Variants in COL18A1 observed in about 807,000 individuals in gnomAD.
COL18A1 encodes collagen type XVIII alpha 1 chain, also known as collagen alpha-1(XVIII) chain.
Under a neutral mutation model 168.0 loss-of-function variants are expected in COL18A1, and 133 were observed. That is an observed-to-expected ratio of 0.79 (90% confidence interval 0.69 to 0.91). COL18A1 has a LOEUF of 0.91. Ranked by LOEUF, COL18A1 falls within the 40% of genes least tolerant of loss-of-function variation. COL18A1 has a pLI of 0.00. For synonymous variants in COL18A1, 949 were observed against 809.0 expected, an observed-to-expected ratio of 1.17 and a Z score of -2.94; for missense variants, 2,126 against 1,925.4, an observed-to-expected ratio of 1.10 and a Z score of -1.95.
rs906832289 is a variant in COL18A1, at chr21:45,480,608, TG to T, written c.1453-86del. On this transcript the variant is annotated intron_variant, in intron 12 of 41. Transcript: ENST00000651438. ...CCCCCAAGATTCAGCTGGGGTCCTG[TG>T]GGGGGTGGGGATGAGGCCCGTTCTG... 15 of 1,612,776 alleles carry T rather than the reference TG, an allele frequency of 9.3e-6. No individual in the cohort carries two copies. The Middle Eastern group carries it at 5.0e-4, about 53-fold the overall frequency.
intron 5 of COL18A1, 151 bp from the exon 6 acceptor site, chr21:45,476,200 C>A: frequency 8.5e-7 from 1 of 1,174,178 alleles, no homozygotes; most frequent in Admixed American, 2.2e-5. Context: ...GGAAGGAAGC[C>A]CCTCGCGCAC....
At position 45,443,415 on chromosome 21, in the gene COL18A1, C is replaced by CCCGT. The variant is rs1405478682; in HGVS notation, c.107-24826_107-24823dup. Among the ~76,000 whole-genome samples, 2 of 152,148 alleles carry CCCGT rather than the reference C, an allele frequency of 1.3e-5. No individual in the cohort carries two copies. Among genetic ancestry groups the CCCGT allele is most frequent in the African/African-American group, 4.8e-5 (2 of 41,420 alleles). ...GGGCCTTCACCAGCTTGAAAGGCCG[C>CCCGT]CCGTGCCTTTCCTCCTTGGCCCTCA... On this transcript the variant is annotated intron_variant, in intron 2 of 41. Transcript: ENST00000651438. The surrounding 1 kb of genome is among the most constrained non-coding windows in gnomAD (Gnocchi z 5.2).
chr21:45,431,349 C>T lies in COL18A1; in HGVS notation c.106+25876C>T, dbSNP rs577350928. Among the ~76,000 whole-genome samples, 25 of 151,076 alleles carry T rather than the reference C, an allele frequency of 1.7e-4. No homozygotes were observed. The East Asian group carries it at 4.1e-3, about 25-fold the overall frequency. ...GACAGCGGAGCGTGTGTGGACCCGG[C>T]GGCCCAGGGGAGGGGGGCAGGCAGG... On this transcript the variant is annotated intron_variant, in intron 2 of 41. Transcript: ENST00000651438.
At chr21:45,456,678 C>G (rs1178361320) in intron 2 of COL18A1, 1 of 1,532,032 alleles carries the variant, frequency 6.5e-7, no homozygotes, top group East Asian at 2.5e-5. Context: ...CACTGCCACC[C>G]CTTCCTCGCC....
In COL18A1 at chr21:45,478,475, A is replaced by G. The variant is rs577235487; in HGVS notation, c.1248+122A>G. ...AGTGAGGAGACTGTACAGCAAAACC[A>G]TTTTGAAAGTGGAATTTTGTAAAGA... On this transcript the variant is annotated intron_variant, in intron 9 of 41. Coordinates refer to ENST00000651438, the MANE Select transcript of COL18A1 (RefSeq NM_001379500.1). The G allele has an allele frequency of 6.1e-6, 8 of 1,307,340 alleles. No homozygotes were observed. In the African/African-American group the frequency reaches 1.2e-4, roughly 19 times the overall value. 81.0% of individuals were successfully genotyped at this position (1,307,340 alleles called of 1,614,324 possible).
chr21:45,479,659 G>T (rs2035823639), intron 9 of COL18A1, among the ~76,000 whole-genome samples: 1 of 152,054 alleles, frequency 6.6e-6, no homozygotes, highest in Admixed American at 6.5e-5. Flanking sequence ...GAGGCCTTCG[G>T]GGAACCTGCT....
intron 17 of COL18A1, among the ~76,000 whole-genome samples, chr21:45,488,110 C>T (rs1256916951): frequency 6.6e-6 from 1 of 152,226 alleles, no homozygotes; most frequent in Non-Finnish European, 1.5e-5. Flanking sequence ...ACAGCCCTGC[C>T]CAAGAGACAC....
chr21:45,477,711 C>T, intron 7 of COL18A1, 39 bp from the exon 8 acceptor site: 1 of 1,501,548 alleles, frequency 6.7e-7, no homozygotes, highest in African/African-American at 1.4e-5. Flanking sequence ...TGTGTGGGGC[C>T]CCACCCCAGC....
At position 45,493,242 on chromosome 21, in the gene COL18A1, C is replaced by G. The variant is rs765191066; in HGVS notation, c.2277+17C>G. On this transcript the variant is annotated intron_variant, in intron 25 of 41. Transcript: ENST00000651438. ...GGACCCAAGGTAAGGGGCTCAGGTG[C>G]TGTCCCTCAACCCCCTTTGTGACCC... 91 of 1,552,648 alleles carry G rather than the reference C, an allele frequency of 5.9e-5. No homozygotes were observed. Among genetic ancestry groups the G allele is most frequent in the Non-Finnish European group, 7.1e-5 (82 of 1,148,056 alleles).
rs1350209683 is a variant in COL18A1 at position 45,437,166 on chromosome 21, ACT to A, written c.107-31072_107-31071del. Among the ~76,000 whole-genome samples the A allele has an allele frequency of 1.7e-4, 17 of 102,956 alleles. 4 individuals carry two copies. Among genetic ancestry groups the A allele is most frequent in the Non-Finnish European group, 3.1e-4 (17 of 55,052 alleles). The allele number at this position is 102,956 out of a possible 152,430, so 67.5% of individuals were successfully genotyped here. On this transcript the variant is annotated intron_variant, in intron 2 of 41. Transcript: ENST00000651438. Reference sequence around the variant, plus strand: ...CACACACTCACACTCAGACACAGGCACTCTCCTGCACACACACTCACACAGAC... The same window carrying A: ...CACACACTCACACTCAGACACAGGCACTCCTGCACACACACTCACACAGAC...
chr21:45,497,272 G>A lies in COL18A1; in HGVS notation c.2620+180G>A, dbSNP rs142743511. On this transcript the variant is annotated intron_variant, in intron 31 of 41. Transcript: ENST00000651438. ...CCTTCCTGCGGGCCCTCCCAGCACA[G>A]CCGTCCAGGACCTGACCTTGGGGTG... 2.0e-4 allele frequency among the ~76,000 whole-genome samples: 30 copies of A among 152,346 alleles called. 1 individual carries two copies. The highest frequency in any genetic ancestry group is 7.2e-4 in the African/African-American group (30 of 41,584).
intron 2 of COL18A1, among the ~76,000 whole-genome samples, chr21:45,414,285 T>C (rs1294884615): frequency 6.6e-6 from 1 of 152,186 alleles, no homozygotes; most frequent in Non-Finnish European, 1.5e-5. Flanking sequence ...CAGCCCTGTC[T>C]CCCTTTCGGG....
At chr21:45,496,383 G>T (rs746252558) in intron 29 of COL18A1, 117 bp from the exon 30 acceptor site, 2 of 771,686 alleles carry the variant, frequency 2.6e-6, no homozygotes, top group Non-Finnish European at 4.8e-6. Context: ...GTTTTGCCTG[G>T]TCAGAGGTCT....
rs549945143 is a variant in COL18A1 at position 45,443,154 on chromosome 21, G to A, written c.107-25088G>A. Among the ~76,000 whole-genome samples the A allele has an allele frequency of 1.0e-3, 131 of 128,876 alleles. 1 individual carries two copies. Among genetic ancestry groups the A allele is most frequent in the Non-Finnish European group, 1.7e-3 (99 of 58,720 alleles). 84.5% of individuals were successfully genotyped at this position (128,876 alleles called of 152,430 possible). A position where few individuals can be genotyped will look rare whatever the true frequency, so the allele number is the denominator to read the frequency against. On this transcript the variant is annotated intron_variant, in intron 2 of 41. Coordinates refer to ENST00000651438, the MANE Select transcript of COL18A1 (RefSeq NM_001379500.1). This position sits in a 1 kb window ranked among gnomAD's most constrained non-coding sequence, Gnocchi z 5.2. ...TGTGGGCGGCGGTGCTGGTGTGGGC[G>A]GCGGTGCTGGTGTGGGTGGATTCCT...
chr21:45,479,849 T>G, intron 9 of COL18A1, 53 bp from the exon 10 acceptor site: 1 of 1,610,422 alleles, frequency 6.2e-7, no homozygotes. Context: ...GAGTGCTGGG[T>G]GCGGCCCATG....
rs1050919039 is a variant in COL18A1 at position 45,480,218 on chromosome 21, C to T, written c.1398+62C>T. 6.0e-6 allele frequency: 7 copies of T among 1,166,760 alleles called. No individual in the cohort carries two copies. The African/African-American group carries it at 1.1e-4, about 18-fold the overall frequency. The allele number at this position is 1,166,760 out of a possible 1,614,324, so 72.3% of individuals were successfully genotyped here. On this transcript the variant is annotated intron_variant, in intron 11 of 41. Coordinates refer to ENST00000651438, the MANE Select transcript of COL18A1 (RefSeq NM_001379500.1). ...TGCCCTCCTCAAAAGCAGGCACTGCCTCTGGCCCAGAAGTATCAGCTCCAC... is the reference window on the plus strand; with the variant it reads ...TGCCCTCCTCAAAAGCAGGCACTGCTTCTGGCCCAGAAGTATCAGCTCCAC...
At chr21:45,475,639 C>A in intron 5 of COL18A1, 104 bp downstream of exon 5, 1 of 979,026 alleles carries the variant, frequency 1.0e-6, no homozygotes. Context: ...TCCAAGAGCT[C>A]CCTCTATGCC....
In COL18A1 at chr21:45,455,752, G is replaced by A. The variant is rs768003538; in HGVS notation, c.107-12490G>A. On this transcript the variant is annotated intron_variant, in intron 2 of 41. Coordinates refer to ENST00000651438, the MANE Select transcript of COL18A1 (RefSeq NM_001379500.1). ...CCCGGAATGGTTCCACAGAGCCAGC[G>A]ACAGCCCCTGGCAGCCCTGAGCCAC... 7.8e-5 allele frequency: 126 copies of A among 1,613,744 alleles called. No homozygotes were observed. Among genetic ancestry groups the A allele is most frequent in the Middle Eastern group, 1.6e-4 (1 of 6,062 alleles).
Position 45,497,627 on chromosome 21 carries a change from C to T in COL18A1, c.2649C>T (p.Gly883=), listed in dbSNP as rs369139821. The change falls in exon 32 of 42, where the codon GGC becomes GGT. Residue 883 remains glycine, a synonymous_variant. Coordinates refer to ENST00000651438, the MANE Select transcript of COL18A1 (RefSeq NM_001379500.1). ...PGNQGPPGPK[G]AKGEVGPPGP... Reference sequence around the variant, plus strand: ...ATCAGGGCCCTCCAGGACCCAAGGGCGCCAAAGGAGAAGTGGGCCCCCCCG... The same window carrying T: ...ATCAGGGCCCTCCAGGACCCAAGGGTGCCAAAGGAGAAGTGGGCCCCCCCG... 62 of 1,569,306 alleles carry T rather than the reference C, an allele frequency of 4.0e-5. 1 individual carries two copies. The highest frequency in any genetic ancestry group is 3.6e-4 in the South Asian group (31 of 85,610).
Sources: gnomAD v4.1 joint callset for allele counts (sites outside exome capture counted in the v4.1 genomes callset) on GRCh38, gnomAD v4.1.1 for gene constraint, Gnocchi (gnomAD v3.1) non-coding constraint, MANE v1.5 for transcripts, NCBI Gene and HGNC (gene_info 2026-07-23, HGNC 2026-07-21) for gene names.